Variants in CDC73 observed in about 807,000 individuals in gnomAD.
CDC73 encodes cell division cycle 73, also known as parafibromin.
In CDC73, 21 loss-of-function variants were observed where a neutral mutation model predicts 83.7. The ratio of observed to expected loss-of-function variants is 0.25; its 90% CI spans 0.18 to 0.36. The LOEUF (loss-of-function observed/expected upper bound fraction) is 0.36. CDC73 is among the 10% of genes least tolerant of loss of function. CDC73 has a pLI of 1.00. For missense variants in CDC73, 342 were observed against 653.3 expected, an observed-to-expected ratio of 0.52 and a Z score of 5.19; for synonymous variants, 224 against 212.9, an observed-to-expected ratio of 1.05 and a Z score of -0.45.
chr1:193,168,431 TATA>T (rs1212368890), intron 10 of CDC73, among the ~76,000 whole-genome samples: 1 of 152,178 alleles, frequency 6.6e-6, no homozygotes, highest in African/African-American at 2.4e-5. Flanking sequence ...GGTAAAGCAA[TATA>T]ATTGCATTTT....
At chr1:193,167,992 C>T (rs1329721732) in intron 10 of CDC73, among the ~76,000 whole-genome samples, 3 of 152,110 alleles carry the variant, frequency 2.0e-5, no homozygotes, top group African/African-American at 7.2e-5. Flanking sequence ...TCCTGAGTAG[C>T]TGGGATTACA....
chr1:193,134,119 G>A (rs539728944), intron 3 of CDC73, among the ~76,000 whole-genome samples: 16 of 151,968 alleles, frequency 1.1e-4, no homozygotes, highest in South Asian at 4.2e-4. Flanking sequence ...GGTATATTTC[G>A]TTTAGCTTTT....
intron 16 of CDC73, 97 bp from the exon 17 acceptor site, chr1:193,250,576 ATTT>A: frequency 1.2e-6 from 1 of 843,444 alleles, no homozygotes; most frequent in Middle Eastern, 2.3e-4. Context: ...TATTCTGTTG[ATTT>A]TAAGTTTTAA....
At chr1:193,191,050 A>T (rs1676909897) in intron 10 of CDC73, among the ~76,000 whole-genome samples, 1 of 152,190 alleles carries the variant, frequency 6.6e-6, no homozygotes, top group African/African-American at 2.4e-5. Context: ...TGTAGGTGAA[A>T]CACTTTTTTA....
intron 15 of CDC73, among the ~76,000 whole-genome samples, chr1:193,239,106 T>C (rs1041744494): frequency 1.3e-5 from 2 of 152,342 alleles, no homozygotes; most frequent in South Asian, 2.1e-4. Context: ...TCTGGACCTA[T>C]ATACCTCACT....
intron 10 of CDC73, among the ~76,000 whole-genome samples, chr1:193,182,996 A>G (rs528282664): frequency 2.6e-5 from 4 of 152,180 alleles, no homozygotes; most frequent in Admixed American, 2.6e-4. Context: ...ATGCATAAAT[A>G]CATGTATGTA....
At chr1:193,242,417 G>T (rs1255261606) in intron 15 of CDC73, among the ~76,000 whole-genome samples, 1 of 152,168 alleles carries the variant, frequency 6.6e-6, no homozygotes, top group East Asian at 1.9e-4. Flanking sequence ...TCACTGGTGA[G>T]CCCATCCTGG....
intron 10 of CDC73, among the ~76,000 whole-genome samples, chr1:193,170,816 T>C (rs1676506651): frequency 6.6e-6 from 1 of 152,180 alleles, no homozygotes; most frequent in Admixed American, 6.5e-5. Flanking sequence ...GTTGAGTTAC[T>C]TTTGATGTCT....
chr1:193,245,492 A>C (rs932846323), intron 15 of CDC73, among the ~76,000 whole-genome samples: 3 of 152,136 alleles, frequency 2.0e-5, no homozygotes, highest in Non-Finnish European at 4.4e-5. Context: ...TATTGTGTAC[A>C]TGTATGCCAC....
Position 193,122,163 on chromosome 1 carries a change from G to C in CDC73, c.-38G>C. On this transcript the variant is annotated 5_prime_UTR_variant, in exon 1 of 17. Coordinates refer to ENST00000367435, the MANE Select transcript of CDC73 (RefSeq NM_024529.5). ...AGAAGGAGGCAGGCGCGGCGGCAGC[G>C]GCGGCGCCCCGAGCCGGCGGAGGCG... The C allele has an allele frequency of 6.2e-7, 1 of 1,605,150 alleles. No homozygotes were observed. The highest frequency in any genetic ancestry group is 8.5e-7 in the Non-Finnish European group (1 of 1,172,914).
At position 193,150,304 on chromosome 1, in the gene CDC73, G is replaced by T; in HGVS notation, c.829G>T (p.Asp277Tyr). 1 of 1,600,034 alleles carries T rather than the reference G, an allele frequency of 6.2e-7. No individual in the cohort carries two copies. Among genetic ancestry groups the T allele is most frequent in the Non-Finnish European group, 8.6e-7 (1 of 1,167,320 alleles). Reference protein sequence around the residue: ...QRPAPNAAPVDPTLRTKQPIP... With the variant: ...QRPAPNAAPVYPTLRTKQPIP... ...TAACTCATAATTAATTTTTTTACAG[G>T]ATCCCACTTTGCGCACCAAACAGCC... Residue 277 changes from aspartate (D) to tyrosine (Y), a missense_variant and splice_region_variant, in exon 9 of 17, where the codon GAT becomes TAT. Transcript: ENST00000367435.
At chr1:193,146,085 A>C (rs1675995702) in intron 7 of CDC73, among the ~76,000 whole-genome samples, 1 of 152,184 alleles carries the variant, frequency 6.6e-6, no homozygotes, top group South Asian at 2.1e-4. Context: ...CCAGCCAAGG[A>C]AACAGAATGC....
intron 10 of CDC73, among the ~76,000 whole-genome samples, chr1:193,164,372 A>G (rs143989523): frequency 1.3e-5 from 2 of 152,206 alleles, no homozygotes; most frequent in African/African-American, 4.8e-5. Flanking sequence ...GCCCAGAGAA[A>G]GGCTGAGAAA....
chr1:193,227,042 A>G (rs898542133), intron 13 of CDC73, among the ~76,000 whole-genome samples: 6 of 151,862 alleles, frequency 4.0e-5, no homozygotes, highest in South Asian at 2.1e-4. Context: ...GATTTAAGCT[A>G]GGAGGTTTGA....
intron 10 of CDC73, among the ~76,000 whole-genome samples, chr1:193,171,411 A>G (rs1676516718): frequency 6.6e-6 from 1 of 152,278 alleles, no homozygotes; most frequent in South Asian, 2.1e-4. Context: ...TCCTTTTGGG[A>G]AACTTAGGGG....
At position 193,244,851 on chromosome 1, in the gene CDC73, G is replaced by A. The variant is rs150416089; in HGVS notation, c.1418-4879G>A. The stretch of plus-strand genomic sequence containing the variant: ...TCAGTAGCATTTATACTACCTGAGT[G>A]TTGTATATTTATCTGTTAAACTGTT... On this transcript the variant is annotated intron_variant, in intron 15 of 16. Transcript: ENST00000367435. Among the ~76,000 whole-genome samples the A allele has an allele frequency of 3.6e-3, 543 of 152,242 alleles. 3 individuals carry two copies. The highest frequency in any genetic ancestry group is 0.013 in the African/African-American group (522 of 41,554).
intron 10 of CDC73, among the ~76,000 whole-genome samples, chr1:193,198,157 G>A (rs1433723426): frequency 6.6e-6 from 1 of 152,162 alleles, no homozygotes; most frequent in Non-Finnish European, 1.5e-5. Flanking sequence ...GATTGGAGGA[G>A]TAGTAGTTTC....
intron 10 of CDC73, among the ~76,000 whole-genome samples, chr1:193,162,765 C>T (rs1311128451): frequency 1.3e-5 from 2 of 152,094 alleles, no homozygotes; most frequent in Non-Finnish European, 2.9e-5. Context: ...AATCATTTAC[C>T]TCCCCAAATT....
At chr1:193,135,871 T>TTC (rs1675787951) in intron 5 of CDC73, among the ~76,000 whole-genome samples, 2 of 138,060 alleles carry the variant, frequency 1.4e-5, no homozygotes, top group Non-Finnish European at 3.2e-5. Flanking sequence ...TTCTGTTCTT[T>TTC]TTTTTTTTTT....
Sources: allele counts gnomAD v4.1 joint callset (sites outside exome capture counted in the v4.1 genomes callset), GRCh38; gene constraint gnomAD v4.1.1; transcripts MANE v1.5; gene names NCBI Gene and HGNC (gene_info 2026-07-23, HGNC 2026-07-21).